The following EZR variants were observed in gnomAD, a reference collection of about 807,000 sequenced individuals.
The protein encoded by EZR is ezrin, also known as cytovillin 2.
Under a neutral mutation model 74.8 loss-of-function variants are expected in EZR, and 40 were observed. The ratio of observed to expected loss-of-function variants is 0.53; its 90% confidence interval spans 0.42 to 0.70. The LOEUF (loss-of-function observed/expected upper bound fraction) is 0.70. Ranked by LOEUF, EZR falls within the 30% of genes least tolerant of loss-of-function variation. The probability of loss-of-function intolerance (pLI) is 0.00; values close to 1 mark genes in which losing one functional copy is unlikely to be tolerated. For missense variants in EZR, 678 were observed against 755.8 expected, an observed-to-expected ratio of 0.90 and a Z score of 1.21; for synonymous variants, 341 against 283.3, an observed-to-expected ratio of 1.20 and a Z score of -2.05.
intron 11 of EZR, 94 bp from the exon 12 acceptor site, chr6:158,769,512 C>A (rs2128564382): frequency 1.6e-6 from 2 of 1,287,196 alleles, no homozygotes; most frequent in East Asian, 2.4e-5. Context: ...CAAGCAGTCT[C>A]CAACGTGACA....
At chr6:158,779,203 A>G (rs1200281045) in intron 7 of EZR, among the ~76,000 whole-genome samples, 1 of 152,140 alleles carries the variant, frequency 6.6e-6, no homozygotes, top group Non-Finnish European at 1.5e-5. Flanking sequence ...AAAATGTAAA[A>G]CTCCAAATAA....
chr6:158,775,096 G>C (rs9347253), intron 8 of EZR, among the ~76,000 whole-genome samples: 263 of 147,080 alleles, frequency 1.8e-3, no homozygotes, highest in African/African-American at 6.3e-3. Context: ...GTGCAGTGGC[G>C]ATCTCAGCTC....
rs767272547 is a variant in EZR, at chr6:158,770,823, T to C, written c.1031A>G (p.Lys344Arg). Residue 344 changes from lysine to arginine, a missense_variant, in exon 10 of 14, where the codon AAG (lysine) becomes AGG (arginine). Coordinates refer to ENST00000367075, the MANE Select transcript of EZR (RefSeq NM_001111077.2). The stretch of plus-strand genomic sequence containing the variant: ...CTGCAGCCGCAGCATCAACTCCTCC[T>C]TCTCGCGCATCATCTGCTCTTTCTC... Reference protein sequence around the residue: ...EREKEQMMREKEELMLRLQDY... With the variant: ...EREKEQMMREREELMLRLQDY... 10 of 1,614,218 alleles carry C rather than the reference T, an allele frequency of 6.2e-6. No homozygotes were observed. The highest frequency in any genetic ancestry group is 1.6e-4 in the Middle Eastern group (1 of 6,062).
chr6:158,792,173 A>T (rs1791765566), intron 2 of EZR, among the ~76,000 whole-genome samples: 1 of 152,180 alleles, frequency 6.6e-6, no homozygotes, highest in Non-Finnish European at 1.5e-5. Flanking sequence ...AAACAGTTTC[A>T]TATCTGACTG....
rs567540849 is a variant in EZR at position 158,769,699 on chromosome 6, A to G, written c.1251+85T>C. ...CAGTTTACAGCTTCCAGTCATGACA[A>G]TTATTACAAGGCAGGTGTCACATTT... is the stretch of plus-strand genomic sequence containing the variant. On this transcript the variant is annotated intron_variant, in intron 11 of 13. Coordinates refer to ENST00000367075, the MANE Select transcript of EZR (RefSeq NM_001111077.2). The G allele has an allele frequency of 1.8e-4, 278 of 1,541,810 alleles. No individual in the cohort carries two copies. The Middle Eastern group carries it at 2.2e-3, about 12-fold the overall frequency.
intron 2 of EZR, among the ~76,000 whole-genome samples, chr6:158,814,405 C>A (rs542078194): frequency 1.1e-4 from 16 of 139,574 alleles, no homozygotes; most frequent in Non-Finnish European, 1.6e-4. Flanking sequence ...TAGGCTCTTT[C>A]CCAGTCTGAC....
intron 7 of EZR, among the ~76,000 whole-genome samples, chr6:158,776,799 T>TAC (rs1791291656): frequency 6.6e-6 from 1 of 152,166 alleles, no homozygotes; most frequent in Non-Finnish European, 1.5e-5. Flanking sequence ...CTGAAATTCC[T>TAC]ACCCAGGTAC....
intron 2 of EZR, among the ~76,000 whole-genome samples, chr6:158,799,384 G>A (rs1284525378): frequency 6.6e-6 from 1 of 152,192 alleles, no homozygotes; most frequent in Non-Finnish European, 1.5e-5. Flanking sequence ...CCTGCCATCA[G>A]GAAAACGCAA....
chr6:158,800,732 G>C (rs193118394), intron 2 of EZR, among the ~76,000 whole-genome samples: 36 of 152,272 alleles, frequency 2.4e-4, no homozygotes, highest in Middle Eastern at 6.8e-3. Context: ...AACCTGGGAG[G>C]TGGAGGCTGC....
chr6:158,767,032 G>GTC lies in EZR; in HGVS notation c.1641_1642dup (p.Thr548ArgfsTer12), dbSNP rs1321057658. On this transcript the variant is annotated frameshift_variant, in exon 14 of 14. Coordinates refer to ENST00000367075, the MANE Select transcript of EZR (RefSeq NM_001111077.2). LOFTEE classifies it high-confidence loss of function. The stretch of plus-strand genomic sequence containing the variant: ...CTCGTTGTGGATGATGTCATTGTGG[G>GTC]TCCTCTTATTCTCATCTCGGGCCTG... 1 of 1,614,152 alleles carries GTC rather than the reference G, an allele frequency of 6.2e-7. No homozygotes were observed. The highest frequency in any genetic ancestry group is 8.5e-7 in the Non-Finnish European group (1 of 1,180,010).
At position 158,785,571 on chromosome 6, in the gene EZR, C is replaced by T; in HGVS notation, c.205G>A (p.Glu69Lys). ...LKLDKKVSAQ[E>K]VRKENPLQFK... is the part of the protein sequence containing the mutation. ...TGGAGGGGATTCTCCTTCCTGACCT[C>T]CTGGGCAGACACCTGCACGAAACAA... The change falls in exon 5 of 14, where the codon GAG becomes AAG. Residue 69 changes from glutamate (E) to lysine (K), a missense_variant. Coordinates refer to ENST00000367075, the MANE Select transcript of EZR (RefSeq NM_001111077.2). 1 of 1,613,900 alleles carries T rather than the reference C, an allele frequency of 6.2e-7. No homozygotes were observed. The highest frequency in any genetic ancestry group is 8.5e-7 in the Non-Finnish European group (1 of 1,179,786).
chr6:158,807,193 T>C (rs552293557), intron 2 of EZR, among the ~76,000 whole-genome samples: 1 of 152,026 alleles, frequency 6.6e-6, no homozygotes, highest in African/African-American at 2.4e-5. Flanking sequence ...CTGGCGCCTG[T>C]AGTCCCAGCT....
intron 2 of EZR, among the ~76,000 whole-genome samples, chr6:158,794,195 T>G (rs1777008475): frequency 6.6e-6 from 1 of 152,048 alleles, no homozygotes; most frequent in African/African-American, 2.4e-5. Flanking sequence ...GCAGGAGAAT[T>G]GCTTGAACCT....
chr6:158,806,278 C>T (rs563134625), intron 2 of EZR, among the ~76,000 whole-genome samples: 1 of 152,308 alleles, frequency 6.6e-6, no homozygotes, highest in African/African-American at 2.4e-5. Flanking sequence ...GAGATCCTCC[C>T]ACCTCAACAC....
intron 2 of EZR, among the ~76,000 whole-genome samples, chr6:158,801,180 T>A (rs1777179089): frequency 6.6e-6 from 1 of 152,166 alleles, no homozygotes; most frequent in African/African-American, 2.4e-5. Context: ...AGTGGCACAA[T>A]CTCGGCTCAC....
At chr6:158,786,433 C>G (rs567320529) in intron 4 of EZR, among the ~76,000 whole-genome samples, 1 of 152,322 alleles carries the variant, frequency 6.6e-6, no homozygotes, top group South Asian at 2.1e-4. Flanking sequence ...AGCTGGAAAT[C>G]AAAGCTACTG....
intron 10 of EZR, among the ~76,000 whole-genome samples, chr6:158,770,195 C>T (rs1385867437): frequency 6.6e-6 from 1 of 152,232 alleles, no homozygotes; most frequent in Admixed American, 6.5e-5. Context: ...CCTGACTCAA[C>T]CCTCTTGGCG....
At chr6:158,780,706 T>C (rs1029591298) in intron 7 of EZR, among the ~76,000 whole-genome samples, 1 of 152,232 alleles carries the variant, frequency 6.6e-6, no homozygotes, top group Non-Finnish European at 1.5e-5. Flanking sequence ...AAAGTGCTTT[T>C]ACAGGACTAA....
At chr6:158,773,553 A>T (rs994346867) in intron 8 of EZR, among the ~76,000 whole-genome samples, 1 of 152,220 alleles carries the variant, frequency 6.6e-6, no homozygotes, top group Non-Finnish European at 1.5e-5. Context: ...AGGCACAAGG[A>T]AAGTTCAAGA....
Sources: gnomAD v4.1 joint callset for allele counts (sites outside exome capture counted in the v4.1 genomes callset) on GRCh38, gnomAD v4.1.1 for gene constraint, MANE v1.5 for transcripts, NCBI Gene and HGNC (gene_info 2026-07-23, HGNC 2026-07-21) for gene names.